The following MTHFD1 variants were observed in gnomAD, a reference collection of about 807,000 sequenced individuals.
MTHFD1 encodes the protein methylenetetrahydrofolate dehydrogenase, cyclohydrolase and formyltetrahydrofolate synthetase 1, also known as C-1-tetrahydrofolate synthase, cytoplasmic.
Under a neutral mutation model 110.3 loss-of-function variants are expected in MTHFD1, and 44 were observed. The ratio of observed to expected loss-of-function variants is 0.40; its 90% confidence interval spans 0.31 to 0.51. The LOEUF (loss-of-function observed/expected upper bound fraction) is 0.51. Among genes scored for constraint, MTHFD1 ranks in the 20% least tolerant of loss-of-function variants. The pLI is 0.60. For synonymous variants in MTHFD1, 402 were observed against 428.8 expected (o/e 0.94, Z 0.77); for missense variants, 909 against 1,173.1 (o/e 0.77, Z 3.29).
intron 15 of MTHFD1, among the ~76,000 whole-genome samples, chr14:64,433,303 G>A (rs1186426333): frequency 3.3e-5 from 5 of 151,954 alleles, no homozygotes; most frequent in Non-Finnish European, 7.4e-5. Flanking sequence ...ATTTTTAGTA[G>A]AGAGAAGGTT....
Position 64,458,208 on chromosome 14 carries a change from T to A in MTHFD1, c.2719-6T>A, listed in dbSNP as rs2078506200. The A allele has an allele frequency of 3.7e-6, 6 of 1,600,948 alleles. No individual in the cohort carries two copies. Among genetic ancestry groups the A allele is most frequent in the Admixed American group, 1.7e-5 (1 of 60,006 alleles). On this transcript the variant is annotated splice_polypyrimidine_tract_variant and splice_region_variant and intron_variant, in intron 26 of 27. Transcript: ENST00000652337. ...AGTTTATTTGTAATGCTTTTTTACA[T>A]CCTAGATGAGCACAATGCCTGGACT...
Position 64,424,951 on chromosome 14 carries a change from T to G in MTHFD1, c.855+20T>G. ...ATGCAGGTAATTGTGAATAAAAGTT[T>G]CTATAAGAGTTCTGAAAAGCTGATC... is the stretch of plus-strand genomic sequence containing the variant. On this transcript the variant is annotated intron_variant, in intron 9 of 27. Coordinates refer to ENST00000652337, the MANE Select transcript of MTHFD1 (RefSeq NM_005956.4). 2 of 1,614,112 alleles carry G rather than the reference T, an allele frequency of 1.2e-6. No homozygotes were observed. Among genetic ancestry groups the G allele is most frequent in the Non-Finnish European group, 1.7e-6 (2 of 1,180,002 alleles).
intron 26 of MTHFD1, 43 bp downstream of exon 26, chr14:64,454,918 C>T (rs766752934): frequency 4.7e-5 from 76 of 1,604,306 alleles, no homozygotes; most frequent in Non-Finnish European, 5.9e-5. Flanking sequence ...ATCTGCACTT[C>T]TCGTCTGAAG....
intron 16 of MTHFD1, among the ~76,000 whole-genome samples, chr14:64,437,582 G>A (rs1001557740): frequency 6.6e-6 from 1 of 152,160 alleles, no homozygotes; most frequent in Admixed American, 6.5e-5. Context: ...GATCCTACAG[G>A]TAAAGGGCTC....
intron 2 of MTHFD1, 36 bp from the exon 3 acceptor site, chr14:64,411,054 C>G (rs781048041): frequency 6.8e-7 from 1 of 1,460,636 alleles, no homozygotes; most frequent in South Asian, 1.1e-5. Context: ...TTTGCCTTTC[C>G]CTAATCATCT....
At chr14:64,415,609 TTTCCTTC>T in intron 5 of MTHFD1, 23 bp from the exon 6 acceptor site, 1 of 1,612,672 alleles carries the variant, frequency 6.2e-7, no homozygotes, top group Non-Finnish European at 8.5e-7. Flanking sequence ...ATTGCCTTTA[TTTCCTTC>T]TTATTTCCAT....
In MTHFD1 at chr14:64,393,069, T is replaced by G. The variant is rs140993218; in HGVS notation, c.41+4601T>G. ...CATGGATAAGACTTTTACTTTGTCC[T>G]GTAGATTAAATACATGTAGGCCCTT... On this transcript the variant is annotated intron_variant, in intron 1 of 27. Coordinates refer to ENST00000652337, the MANE Select transcript of MTHFD1 (RefSeq NM_005956.4). Among the ~76,000 whole-genome samples, 423 of 152,364 alleles carry G rather than the reference T, an allele frequency of 2.8e-3. 1 individual carries two copies. The highest frequency in any genetic ancestry group is 6.8e-3 in the Admixed American group (104 of 15,302).
rs771146813 is a variant in MTHFD1 at position 64,417,843 on chromosome 14, C to CAGCTTCT, written c.479-43_479-37dup. The CAGCTTCT allele has an allele frequency of 4.0e-4, 652 of 1,611,240 alleles. 1 individual carries two copies. Among genetic ancestry groups the CAGCTTCT allele is most frequent in the South Asian group, 9.5e-4 (86 of 90,970 alleles). On this transcript the variant is annotated intron_variant, in intron 6 of 27. Coordinates refer to ENST00000652337, the MANE Select transcript of MTHFD1 (RefSeq NM_005956.4). The surrounding 1 kb of genome is among the most constrained non-coding windows in gnomAD (Gnocchi z 4.4). ...TCTCCACGTGGCATGCGAAGGAGGG[C>CAGCTTCT]AGCTTCTATCCTCCAACTCTGATGC...
At chr14:64,394,284 A>G (rs1487657480) in intron 1 of MTHFD1, among the ~76,000 whole-genome samples, 1 of 152,046 alleles carries the variant, frequency 6.6e-6, no homozygotes, top group Non-Finnish European at 1.5e-5. Context: ...GGTAGGTGGC[A>G]GAGGCTCGAT....
At chr14:64,433,766 C>T (rs1177881833) in intron 15 of MTHFD1, among the ~76,000 whole-genome samples, 1 of 144,200 alleles carries the variant, frequency 6.9e-6, no homozygotes, top group Non-Finnish European at 1.5e-5. Context: ...CGTGGTGGCT[C>T]ATACCTGTAA....
At chr14:64,398,163 TAA>T (rs11324178) in intron 1 of MTHFD1, among the ~76,000 whole-genome samples, 6 of 151,504 alleles carry the variant, frequency 4.0e-5, no homozygotes, top group African/African-American at 4.8e-5. Context: ...CAATCCCAGT[TAA>T]AAAAAAAAAT....
chr14:64,459,633 G>T, intron 27 of MTHFD1, 126 bp from the exon 28 acceptor site: 1 of 753,380 alleles, frequency 1.3e-6, no homozygotes, highest in Non-Finnish European at 2.1e-6. Flanking sequence ...AAGAGCTGGT[G>T]GCAGGAAAGG....
intron 15 of MTHFD1, 137 bp from the exon 16 acceptor site, chr14:64,435,432 G>C (rs943369920): frequency 1.4e-6 from 1 of 695,906 alleles, no homozygotes; most frequent in Middle Eastern, 4.0e-4. Context: ...CCAGCTTTCA[G>C]TTTTTCCTTC....
chr14:64,391,929 G>A (rs1444333117), intron 1 of MTHFD1, among the ~76,000 whole-genome samples: 2 of 152,178 alleles, frequency 1.3e-5, no homozygotes, highest in Non-Finnish European at 2.9e-5. Flanking sequence ...ATACTGATGG[G>A]TAGAGACAGA....
intron 21 of MTHFD1, among the ~76,000 whole-genome samples, chr14:64,444,398 TC>T (rs1045356630): frequency 2.6e-5 from 4 of 151,860 alleles, no homozygotes; most frequent in African/African-American, 9.7e-5. Flanking sequence ...TGGCCTTCAC[TC>T]GAGTCACTGC....
intron 13 of MTHFD1, 37 bp downstream of exon 13, chr14:64,430,267 CT>C (rs778628949): frequency 4.4e-6 from 7 of 1,593,978 alleles, no homozygotes; most frequent in Non-Finnish European, 6.0e-6. Flanking sequence ...TTAGATCCCC[CT>C]TTTTTTGTCG....
intron 1 of MTHFD1, 199 bp downstream of exon 1, chr14:64,388,667 C>T (rs2077782456): frequency 1.6e-5 from 10 of 641,004 alleles, no homozygotes; most frequent in Non-Finnish European, 5.7e-6. Context: ...TGGCTGTAGC[C>T]GCTGGCTCCT....
At chr14:64,438,603 T>C (rs544171659) in intron 16 of MTHFD1, among the ~76,000 whole-genome samples, 2 of 152,346 alleles carry the variant, frequency 1.3e-5, no homozygotes, top group East Asian at 3.9e-4. Flanking sequence ...ATAAAAATTC[T>C]CTCTGCTAAG....
intron 4 of MTHFD1, among the ~76,000 whole-genome samples, chr14:64,414,783 A>G (rs1273955061): frequency 1.3e-5 from 2 of 150,480 alleles, no homozygotes; most frequent in Non-Finnish European, 3.0e-5. Flanking sequence ...TCCACCTCCC[A>G]GGTTCAAGCA....
Sources: gnomAD v4.1 joint callset for allele counts (sites outside exome capture counted in the v4.1 genomes callset) on GRCh38, gnomAD v4.1.1 for gene constraint, Gnocchi (gnomAD v3.1) non-coding constraint, MANE v1.5 for transcripts, NCBI Gene and HGNC (gene_info 2026-07-23, HGNC 2026-07-21) for gene names.